Variants in CCDC146 observed in about 807,000 individuals in gnomAD.
CCDC146 encodes coiled-coil domain containing 146, also known as coiled-coil domain-containing protein 146.
In CCDC146, 92 loss-of-function variants were observed where a neutral mutation model predicts 119.3. The ratio of observed to expected loss-of-function variants is 0.77; its 90% confidence interval spans 0.65 to 0.92. The LOEUF (loss-of-function observed/expected upper bound fraction) is 0.92. CCDC146 is among the 40% of genes least tolerant of loss of function. The pLI is 0.00. For synonymous variants in CCDC146, 372 were observed against 371.8 expected, an observed-to-expected ratio of 1.00 and a Z score of -0.01; for missense variants, 1,000 against 1,103.0, an observed-to-expected ratio of 0.91 and a Z score of 1.32.
At chr7:77,149,624 G>T (rs1210532532) in intron 1 of CCDC146, among the ~76,000 whole-genome samples, 2 of 151,808 alleles carry the variant, frequency 1.3e-5, no homozygotes, top group Non-Finnish European at 2.9e-5. Context: ...AAATTAGCTG[G>T]GCATGGTGGT....
At chr7:77,137,888 C>T (rs1347640077) in intron 1 of CCDC146, among the ~76,000 whole-genome samples, 1 of 150,132 alleles carries the variant, frequency 6.7e-6, no homozygotes, top group African/African-American at 2.5e-5. Flanking sequence ...TGTCTTAGTT[C>T]AGGCAGCTGT....
intron 2 of CCDC146, among the ~76,000 whole-genome samples, chr7:77,235,407 A>C (rs1792715494): frequency 6.6e-6 from 1 of 152,276 alleles, no homozygotes; most frequent in South Asian, 2.1e-4. Context: ...CTTGGAGTGA[A>C]GTAGGGGGAG....
At chr7:77,276,438 C>T (rs1056002116) in intron 11 of CCDC146, among the ~76,000 whole-genome samples, 7 of 152,138 alleles carry the variant, frequency 4.6e-5, no homozygotes, top group Admixed American at 1.3e-4. Flanking sequence ...AGGCACTTCA[C>T]ATCCCCCTTT....
intron 11 of CCDC146, among the ~76,000 whole-genome samples, chr7:77,275,559 T>C (rs936006685): frequency 2.6e-5 from 4 of 152,174 alleles, no homozygotes; most frequent in Non-Finnish European, 4.4e-5. Context: ...GCTGCAGATA[T>C]CATTTAGTTT....
intron 2 of CCDC146, among the ~76,000 whole-genome samples, chr7:77,212,866 T>C (rs1792214548): frequency 6.6e-6 from 1 of 151,802 alleles, no homozygotes. Context: ...TTTTCCATAA[T>C]CTGGATTTTG....
At chr7:77,225,372 G>A (rs1792489245) in intron 2 of CCDC146, among the ~76,000 whole-genome samples, 1 of 151,700 alleles carries the variant, frequency 6.6e-6, no homozygotes, top group East Asian at 2.0e-4. Context: ...AACGTAGTGA[G>A]ATTCCATCTC....
At chr7:77,138,978 T>C (rs1482729697) in intron 1 of CCDC146, among the ~76,000 whole-genome samples, 3 of 152,202 alleles carry the variant, frequency 2.0e-5, no homozygotes, top group Non-Finnish European at 4.4e-5. Context: ...AAATATACTC[T>C]TAACATATAT....
chr7:77,162,249 T>C (rs1791273758), intron 1 of CCDC146, among the ~76,000 whole-genome samples: 1 of 152,052 alleles, frequency 6.6e-6, no homozygotes, highest in South Asian at 2.1e-4. Context: ...TTTTTTCCTA[T>C]GTTTTCTTCT....
chr7:77,295,075 A>C lies in CCDC146; in HGVS notation c.*209A>C, dbSNP rs369528027. 9 of 526,292 alleles carry C rather than the reference A, an allele frequency of 1.7e-5. No homozygotes were observed. Among genetic ancestry groups the C allele is most frequent in the African/African-American group, 1.1e-4 (6 of 52,370 alleles). The allele number at this position is 526,292 out of a possible 1,614,324, so 32.6% of individuals were successfully genotyped here. A position where few individuals can be genotyped will look rare whatever the true frequency, so the allele number is the denominator to read the frequency against. ...TGAATGGGACATAGAACTGTCCTAC[A>C]TTTATGTCAAAGTATATATTTGAAT... On this transcript the variant is annotated 3_prime_UTR_variant, in exon 19 of 19. Transcript: ENST00000285871.
At chr7:77,143,267 A>T (rs1790964146) in intron 1 of CCDC146, among the ~76,000 whole-genome samples, 1 of 151,118 alleles carries the variant, frequency 6.6e-6, no homozygotes, top group East Asian at 1.9e-4. Flanking sequence ...GGGTTGTTTG[A>T]TTTTTTTCTT....
At chr7:77,227,729 C>A (rs1486991733) in intron 2 of CCDC146, among the ~76,000 whole-genome samples, 1 of 152,212 alleles carries the variant, frequency 6.6e-6, no homozygotes, top group East Asian at 1.9e-4. Context: ...AATTCTAATT[C>A]TCTCTAAATT....
chr7:77,139,389 C>T (rs985871331), intron 1 of CCDC146, among the ~76,000 whole-genome samples: 7 of 152,124 alleles, frequency 4.6e-5, no homozygotes, highest in African/African-American at 1.4e-4. Flanking sequence ...AGGCAGAGCA[C>T]AAAGGATTTT....
intron 2 of CCDC146, among the ~76,000 whole-genome samples, chr7:77,203,532 C>G (rs1285992876): frequency 1.3e-5 from 2 of 151,828 alleles, no homozygotes; most frequent in African/African-American, 4.8e-5. Flanking sequence ...TCATGAATAC[C>G]AGGAAAAGGG....
chr7:77,164,523 C>A (rs1391059684), intron 1 of CCDC146, among the ~76,000 whole-genome samples: 1 of 152,224 alleles, frequency 6.6e-6, no homozygotes, highest in East Asian at 1.9e-4. Context: ...ATATTTGGAG[C>A]CTCCTGATGG....
chr7:77,223,144 C>A (rs1792437964), intron 2 of CCDC146, among the ~76,000 whole-genome samples: 1 of 152,136 alleles, frequency 6.6e-6, no homozygotes, highest in Non-Finnish European at 1.5e-5. Flanking sequence ...CTACCATCTC[C>A]CCCCAGGATC....
chr7:77,124,133 C>T (rs757972874), intron 1 of CCDC146, among the ~76,000 whole-genome samples: 46 of 152,088 alleles, frequency 3.0e-4, no homozygotes, highest in Non-Finnish European at 5.9e-4. Context: ...GTAATTTTTC[C>T]GTTTCTGAGA....
At chr7:77,164,599 A>AGGG (rs1791314015) in intron 1 of CCDC146, among the ~76,000 whole-genome samples, 2 of 152,236 alleles carry the variant, frequency 1.3e-5, no homozygotes, top group Admixed American at 1.3e-4. Context: ...GTACATGTAT[A>AGGG]ATTTCCGGCT....
At chr7:77,170,769 G>A (rs183932920) in intron 2 of CCDC146, among the ~76,000 whole-genome samples, 308 of 152,200 alleles carry the variant, frequency 2.0e-3, no homozygotes, top group African/African-American at 7.1e-3. Flanking sequence ...ACTAACAGAC[G>A]TTTCTCAAAA....
intron 1 of CCDC146, among the ~76,000 whole-genome samples, chr7:77,124,756 T>G (rs1209900516): frequency 2.0e-5 from 3 of 152,206 alleles, no homozygotes; most frequent in African/African-American, 7.2e-5. Context: ...ACAAAATTTT[T>G]AGAGTTCAAT....
Sources: gnomAD v4.1 joint callset for allele counts (sites outside exome capture counted in the v4.1 genomes callset) on GRCh38, gnomAD v4.1.1 for gene constraint, MANE v1.5 for transcripts, NCBI Gene and HGNC (gene_info 2026-07-23, HGNC 2026-07-21) for gene names.